The following FOXN4 variants were observed in gnomAD, a reference collection of about 807,000 sequenced individuals.
FOXN4 encodes the protein forkhead box N4.
A neutral mutation model predicts 45.0 loss-of-function variants in FOXN4; 12 were observed. The observed-to-expected ratio is 0.27, with a 90% CI of 0.17 to 0.43. The LOEUF (loss-of-function observed/expected upper bound fraction) is 0.43. Among genes scored for constraint, FOXN4 ranks in the 20% least tolerant of loss-of-function variants. FOXN4 has a pLI of 1.00. For missense variants in FOXN4, 560 were observed against 694.9 expected, an observed-to-expected ratio of 0.81 and a Z score of 2.18; for synonymous variants, 297 against 295.0, an observed-to-expected ratio of 1.01 and a Z score of -0.07.
At position 109,290,348 on chromosome 12, in the gene FOXN4, G is replaced by T; in HGVS notation, c.87-62C>A. Reference sequence around the variant, plus strand: ...AGCTTAGGCCAGCTCCTGGGGGTGCGTCCCGACCTCTGGAAGCACCCGCTT... The same window carrying T: ...AGCTTAGGCCAGCTCCTGGGGGTGCTTCCCGACCTCTGGAAGCACCCGCTT... On this transcript the variant is annotated intron_variant, in intron 2 of 9. Transcript: ENST00000299162. This position sits in a 1 kb window ranked among gnomAD's most constrained non-coding sequence, Gnocchi z 5.1. 2 of 1,463,450 alleles carry T rather than the reference G, an allele frequency of 1.4e-6. No homozygotes were observed. Among genetic ancestry groups the T allele is most frequent in the Non-Finnish European group, 1.8e-6 (2 of 1,101,480 alleles). The allele number at this position is 1,463,450 out of a possible 1,614,324, so 90.7% of individuals were successfully genotyped here.
chr12:109,281,925 CCT>C (rs1471341384), intron 8 of FOXN4, 126 bp from the exon 9 acceptor site: 14 of 1,056,676 alleles, frequency 1.3e-5, no homozygotes, highest in East Asian at 2.6e-5. Flanking sequence ...ACACTCAGAA[CCT>C]CTGTCTCCTC....
chr12:109,289,882 GTTC>G (rs1359464245), intron 3 of FOXN4, among the ~76,000 whole-genome samples: 3 of 152,212 alleles, frequency 2.0e-5, no homozygotes. Context: ...TGCCCTAGAG[GTTC>G]AAGATGCACC....
intron 7 of FOXN4, among the ~76,000 whole-genome samples, chr12:109,286,187 C>T (rs1349314736): frequency 6.6e-6 from 1 of 152,112 alleles, no homozygotes; most frequent in Non-Finnish European, 1.5e-5. Context: ...CCACTTTTTG[C>T]TTTGATGCTA....
chr12:109,279,991 C>G (rs1417078705), intron 9 of FOXN4, 61 bp from the exon 10 acceptor site: 1 of 1,599,404 alleles, frequency 6.3e-7, no homozygotes, highest in Non-Finnish European at 8.5e-7. Context: ...GAGTTCGAAT[C>G]CCCCATCTTA....
chr12:109,285,090 T>C (rs1256418292), intron 8 of FOXN4, among the ~76,000 whole-genome samples: 1 of 151,098 alleles, frequency 6.6e-6, no homozygotes, highest in African/African-American at 2.4e-5. Context: ...GGGTTGCCCA[T>C]GCTCCGGTGG....
Position 109,291,436 on chromosome 12 carries a change from C to A in FOXN4, c.87-1150G>T, listed in dbSNP as rs2047767320. Among the ~76,000 whole-genome samples the A allele has an allele frequency of 6.6e-6, 1 of 152,028 alleles. No individual in the cohort carries two copies. Among genetic ancestry groups the A allele is most frequent in the African/African-American group, 2.4e-5 (1 of 41,398 alleles). On this transcript the variant is annotated intron_variant, in intron 2 of 9. Transcript: ENST00000299162. The surrounding 1 kb of genome is among the most constrained non-coding windows in gnomAD (Gnocchi z 6.6). Reference sequence around the variant, plus strand: ...AAGTTCCATGTTTCAAAAATAGCCTCATAGATTGAGGGGCAGAGAGAGGCG... The same window carrying A: ...AAGTTCCATGTTTCAAAAATAGCCTAATAGATTGAGGGGCAGAGAGAGGCG...
chr12:109,281,612 G>T lies in FOXN4; in HGVS notation c.1089C>A (p.His363Gln). The T allele has an allele frequency of 6.2e-7, 1 of 1,609,400 alleles. No homozygotes were observed. Among genetic ancestry groups the T allele is most frequent in the Non-Finnish European group, 8.5e-7 (1 of 1,177,938 alleles). Residue 363 changes from histidine to glutamine, a missense_variant, in exon 9 of 10, where the codon CAC becomes CAA. By Grantham distance (24) the His-to-Gln change is conservative. Around this residue, in one of 5 missense-constraint regions of FOXN4, gnomAD observed 315 missense variants for 350.5 expected, o/e 0.90. Transcript: ENST00000299162. ...CAAGATGTGCCTGGGGCTGGACCTG[G>T]TGGTGCAGGGGGACTGACTGCAGGG... ...TLSLQSVPLH[H>Q]QVQPQAHLAP...
chr12:109,287,515 C>A lies in FOXN4; in HGVS notation c.478G>T (p.Val160Leu). 6.5e-7 allele frequency: 1 copy of A among 1,530,378 alleles called. No individual in the cohort carries two copies. Among genetic ancestry groups the A allele is most frequent in the Non-Finnish European group, 8.8e-7 (1 of 1,139,576 alleles). The allele number at this position is 1,530,378 out of a possible 1,614,324, so 94.8% of individuals were successfully genotyped here. A position where few individuals can be genotyped will look rare whatever the true frequency, so the allele number is the denominator to read the frequency against. Residue 160 changes from valine (V) to leucine (L), a missense_variant, in exon 6 of 10, where the codon GTG becomes TTG. This residue lies in a region of FOXN4 where 61 missense variants were observed against 59.8 expected (regional missense o/e 1.02). Coordinates refer to ENST00000299162, the MANE Select transcript of FOXN4 (RefSeq NM_213596.3). The surrounding 1 kb of genome is among the most constrained non-coding windows in gnomAD (Gnocchi z 4.1). ...LPPGAQQCPPVGLYGPPFGVR... is the reference protein window; with the variant it reads ...LPPGAQQCPPLGLYGPPFGVR... Reference sequence around the variant, plus strand: ...CCAAATGGGGGGCCATAGAGGCCCACAGGAGGGCACTTCCCACAGGCAGGG... The same window carrying A: ...CCAAATGGGGGGCCATAGAGGCCCAAAGGAGGGCACTTCCCACAGGCAGGG...
intron 2 of FOXN4, among the ~76,000 whole-genome samples, chr12:109,294,191 G>A (rs2047795918): frequency 6.6e-6 from 1 of 152,170 alleles, no homozygotes; most frequent in Admixed American, 6.5e-5. Flanking sequence ...CTCAGACCCT[G>A]AAGCCCCACC....
intron 2 of FOXN4, among the ~76,000 whole-genome samples, chr12:109,297,789 A>G (rs2047831438): frequency 6.6e-6 from 1 of 152,242 alleles, no homozygotes; most frequent in Admixed American, 6.5e-5. Context: ...TATGATATCT[A>G]GAAAATCCTC....
At chr12:109,307,784 G>C (rs922764069) in intron 2 of FOXN4, among the ~76,000 whole-genome samples, 2 of 152,198 alleles carry the variant, frequency 1.3e-5, no homozygotes. Flanking sequence ...AGGACTTGCT[G>C]AATGTCACAC....
intron 2 of FOXN4, among the ~76,000 whole-genome samples, chr12:109,297,764 C>G (rs1228100036): frequency 1.3e-5 from 2 of 152,210 alleles, no homozygotes; most frequent in African/African-American, 2.4e-5. Flanking sequence ...GCCAAAAAGG[C>G]TGAGACTGCT....
At chr12:109,298,925 T>G (rs924735234) in intron 2 of FOXN4, among the ~76,000 whole-genome samples, 5 of 152,150 alleles carry the variant, frequency 3.3e-5, no homozygotes, top group Non-Finnish European at 7.4e-5. Context: ...ACAGTGGGAA[T>G]AATAATAGCA....
At chr12:109,305,239 C>T (rs2047910628) in intron 2 of FOXN4, among the ~76,000 whole-genome samples, 1 of 152,160 alleles carries the variant, frequency 6.6e-6, no homozygotes, top group Non-Finnish European at 1.5e-5. Flanking sequence ...TCCTCATTCA[C>T]CAAATGGGCC....
rs1370744214 is a variant in FOXN4 at position 109,302,023 on chromosome 12, C to T, written c.86+6213G>A. Among the ~76,000 whole-genome samples, 3 of 152,254 alleles carry T rather than the reference C, an allele frequency of 2.0e-5. No individual in the cohort carries two copies. The East Asian group carries it at 5.8e-4, about 29-fold the overall frequency. On this transcript the variant is annotated intron_variant, in intron 2 of 9. Transcript: ENST00000299162. ...TTCCCTTCTCCTGAAATGGTTAGTGCTGTCAGTATCTACACGTAGCACAGA... is the reference window on the plus strand; with the variant it reads ...TTCCCTTCTCCTGAAATGGTTAGTGTTGTCAGTATCTACACGTAGCACAGA...
In FOXN4 at chr12:109,290,086, A is replaced by T; in HGVS notation, c.232+55T>A. On this transcript the variant is annotated intron_variant, in intron 3 of 9. Transcript: ENST00000299162. The surrounding 1 kb of genome is among the most constrained non-coding windows in gnomAD (Gnocchi z 5.1). ...ACAGTGGGTGGGTGGCAGGGCTGGG[A>T]ATCACCCCTCTCCTATATCACCCTC... is the stretch of plus-strand genomic sequence containing the variant. 6.8e-7 allele frequency: 1 copy of T among 1,476,540 alleles called. No individual in the cohort carries two copies. Among genetic ancestry groups the T allele is most frequent in the Non-Finnish European group, 9.0e-7 (1 of 1,105,382 alleles). 91.5% of individuals were successfully genotyped at this position (1,476,540 alleles called of 1,614,324 possible).
chr12:109,290,289 G>A lies in FOXN4; in HGVS notation c.87-3C>T. The A allele has an allele frequency of 2.6e-6, 4 of 1,545,358 alleles. No homozygotes were observed. Among genetic ancestry groups the A allele is most frequent in the Non-Finnish European group, 2.6e-6 (3 of 1,143,400 alleles). ...CATCGCTGGTGGTGGCTAGAAGCCT[G>A]CAAAGAGGAACAGAGAACTCGGGCG... On this transcript the variant is annotated splice_polypyrimidine_tract_variant and splice_region_variant and intron_variant, in intron 2 of 9. Transcript: ENST00000299162. The surrounding 1 kb of genome is among the most constrained non-coding windows in gnomAD (Gnocchi z 5.1).
At chr12:109,307,262 G>C (rs917103434) in intron 2 of FOXN4, among the ~76,000 whole-genome samples, 2 of 152,208 alleles carry the variant, frequency 1.3e-5, no homozygotes, top group African/African-American at 4.8e-5. Flanking sequence ...TGGGTAAACA[G>C]GGCTGATAGG....
Position 109,281,728 on chromosome 12 carries a change from C to G in FOXN4, c.973G>C (p.Ala325Pro), listed in dbSNP as rs779516940. Reference protein sequence around the residue: ...RRPGKPGEPEAPVLTHATTVA... With the variant: ...RRPGKPGEPEPPVLTHATTVA... ...GTGGTGGCGTGAGTCAGCACGGGGG[C>G]CTCTGGTTCCCCCGGTTTGCCGGGG... Residue 325 changes from alanine to proline, a missense_variant, in exon 9 of 10, where the codon GCC (alanine) becomes CCC (proline). Around this residue, in one of 5 missense-constraint regions of FOXN4, gnomAD observed 315 missense variants for 350.5 expected, o/e 0.90. Transcript: ENST00000299162. 6.2e-7 allele frequency: 1 copy of G among 1,608,748 alleles called. No homozygotes were observed. The highest frequency in any genetic ancestry group is 8.5e-7 in the Non-Finnish European group (1 of 1,177,742).
Sources: gnomAD v4.1 joint callset for allele counts (sites outside exome capture counted in the v4.1 genomes callset) on GRCh38, gnomAD v4.1.1 for gene constraint, gnomAD v4.1.1 regional missense constraint, Gnocchi (gnomAD v3.1) non-coding constraint, MANE v1.5 for transcripts, NCBI Gene and HGNC (gene_info 2026-07-23, HGNC 2026-07-21) for gene names.